Variants in EZH2 observed in about 807,000 individuals in gnomAD.
EZH2 encodes enhancer of zeste 2 polycomb repressive complex 2 subunit.
In EZH2, 18 loss-of-function variants were observed where a neutral mutation model predicts 98.4. The observed-to-expected ratio is 0.18, with a 90% confidence interval of 0.13 to 0.27. The LOEUF is 0.27. Among genes scored for constraint, EZH2 ranks in the 10% least tolerant of loss-of-function variants. The pLI, the probability that EZH2 is intolerant of heterozygous loss-of-function variation, is 1.00. For missense variants in EZH2, 470 were observed against 935.1 expected, an observed-to-expected ratio of 0.50 and a Z score of 6.49; for synonymous variants, 338 against 312.3, an observed-to-expected ratio of 1.08 and a Z score of -0.87.
At chr7:148,860,604 A>G (rs1299520280) in intron 1 of EZH2, among the ~76,000 whole-genome samples, 2 of 152,244 alleles carry the variant, frequency 1.3e-5, no homozygotes, top group Non-Finnish European at 2.9e-5. Flanking sequence ...TTTAGTTTAT[A>G]TGTGTTATAG....
At chr7:148,883,236 A>G (rs1332086661) in intron 1 of EZH2, 1 of 152,218 alleles carries the variant, frequency 6.6e-6, no homozygotes, top group Non-Finnish European at 1.5e-5. Flanking sequence ...GTGCTTCTCG[A>G]TTCCTCCCGC....
intron 3 of EZH2, among the ~76,000 whole-genome samples, chr7:148,843,592 T>G (rs1056352300): frequency 9.4e-6 from 1 of 105,878 alleles, no homozygotes; most frequent in Non-Finnish European, 1.9e-5. Flanking sequence ...AGTTTTTTTT[T>G]TTTTTTTTTT....
At chr7:148,815,157 C>G (rs1211795326) in intron 13 of EZH2, 118 bp from the exon 14 acceptor site, 2 of 1,263,228 alleles carry the variant, frequency 1.6e-6, no homozygotes, top group African/African-American at 3.0e-5. Context: ...CCTGCCTTTA[C>G]TGAATGCATA....
chr7:148,874,006 A>G (rs879628998), intron 1 of EZH2, among the ~76,000 whole-genome samples: 4 of 152,210 alleles, frequency 2.6e-5, no homozygotes, highest in Non-Finnish European at 5.9e-5. Flanking sequence ...TATTCCAGAA[A>G]GAGGACAGGC....
At chr7:148,870,349 C>T (rs147175255) in intron 1 of EZH2, among the ~76,000 whole-genome samples, 1 of 152,052 alleles carries the variant, frequency 6.6e-6, no homozygotes, top group African/African-American at 2.4e-5. Flanking sequence ...CGTTTTAGAT[C>T]AGAATTTTAT....
At chr7:148,874,187 GACCA>G (rs1192131941) in intron 1 of EZH2, among the ~76,000 whole-genome samples, 1 of 152,170 alleles carries the variant, frequency 6.6e-6, no homozygotes, top group African/African-American at 2.4e-5. Context: ...GGAATCTTGA[GACCA>G]ACCTGGGCAA....
At chr7:148,833,465 A>AT (rs1563257578) in intron 3 of EZH2, among the ~76,000 whole-genome samples, 223 of 21,484 alleles carry the variant, frequency 0.01, 2 homozygotes, top group African/African-American at 0.042. Flanking sequence ...TCAAAAAAAA[A>AT]AAAAATAAAA....
At chr7:148,825,646 C>G (rs777348716) in intron 8 of EZH2, among the ~76,000 whole-genome samples, 3 of 152,090 alleles carry the variant, frequency 2.0e-5, no homozygotes, top group Non-Finnish European at 2.9e-5. Context: ...CTCAAAACAA[C>G]AAAGCAATGT....
intron 6 of EZH2, among the ~76,000 whole-genome samples, chr7:148,827,712 C>A (rs1018178121): frequency 1.6e-4 from 24 of 152,196 alleles, no homozygotes; most frequent in Non-Finnish European, 1.0e-4. Flanking sequence ...TCTATGCTGC[C>A]TTAGCATGAG....
chr7:148,810,230 C>A, intron 17 of EZH2, 103 bp downstream of exon 17: 1 of 762,206 alleles, frequency 1.3e-6, no homozygotes, highest in Non-Finnish European at 2.3e-6. Context: ...GATCCTCCTT[C>A]TGGTCACCTC....
chr7:148,808,489 T>A (rs1317735727), intron 19 of EZH2, among the ~76,000 whole-genome samples: 1 of 152,240 alleles, frequency 6.6e-6, no homozygotes, highest in Non-Finnish European at 1.5e-5. Flanking sequence ...CTTAAATGTA[T>A]CCCACAGAGC....
intron 9 of EZH2, 125 bp downstream of exon 9, chr7:148,819,471 G>A: frequency 1.4e-6 from 1 of 701,504 alleles, no homozygotes; most frequent in Non-Finnish European, 2.5e-6. Context: ...GGGTGAGAAA[G>A]CTCTGTCTAT....
At chr7:148,859,691 C>G (rs1310679528) in intron 1 of EZH2, among the ~76,000 whole-genome samples, 1 of 152,132 alleles carries the variant, frequency 6.6e-6, no homozygotes, top group Non-Finnish European at 1.5e-5. Context: ...ACAGAGATCC[C>G]ACCAACCAAC....
intron 3 of EZH2, among the ~76,000 whole-genome samples, chr7:148,839,058 A>AAGGAAGG (rs1264945394): frequency 8.0e-5 from 10 of 124,324 alleles, no homozygotes; most frequent in African/African-American, 3.1e-4. Flanking sequence ...TCAAATAAGG[A>AAGGAAGG]AGGAAGGAAG....
In EZH2 at chr7:148,851,809, T is replaced by C. The variant is rs544909164; in HGVS notation, c.-7-4504A>G. Among the ~76,000 whole-genome samples, 8 of 152,282 alleles carry C rather than the reference T, an allele frequency of 5.3e-5. No homozygotes were observed. The East Asian group carries it at 1.5e-3, about 29-fold the overall frequency. On this transcript the variant is annotated intron_variant, in intron 1 of 19. Coordinates refer to ENST00000320356, the MANE Select transcript of EZH2 (RefSeq NM_004456.5). ...TCTCTTGAGCCTGTGAGGTGGAGAC[T>C]GCAGTGAACTGTCTTCACACCACTG...
At chr7:148,823,935 C>G (rs370938810) in intron 8 of EZH2, among the ~76,000 whole-genome samples, 15 of 152,206 alleles carry the variant, frequency 9.9e-5, no homozygotes, top group African/African-American at 3.4e-4. Context: ...ATTAATTCAT[C>G]TAATCCTCAC....
intron 1 of EZH2, among the ~76,000 whole-genome samples, chr7:148,850,966 A>G (rs2129486360): frequency 6.6e-6 from 1 of 152,298 alleles, no homozygotes; most frequent in Admixed American, 6.5e-5. Flanking sequence ...TCTCTCTCAA[A>G]ATATCGTAAC....
chr7:148,839,053 T>TAAGG (rs60020948), intron 3 of EZH2, among the ~76,000 whole-genome samples: 18,779 of 107,574 alleles, frequency 0.17, 1,924 homozygotes, highest in Middle Eastern at 0.2. Flanking sequence ...CTCTGTCAAA[T>TAAGG]AAGGAAGGAA....
chr7:148,847,006 A>T (rs1044849958), intron 2 of EZH2, among the ~76,000 whole-genome samples, 176 bp downstream of exon 2: 12 of 152,154 alleles, frequency 7.9e-5, no homozygotes, highest in Non-Finnish European at 1.5e-5. Context: ...AAGACTGATT[A>T]ATGTGCATGG....
Sources: gnomAD v4.1 joint callset for allele counts (sites outside exome capture counted in the v4.1 genomes callset) on GRCh38, gnomAD v4.1.1 for gene constraint, MANE v1.5 for transcripts, NCBI Gene and HGNC (gene_info 2026-07-23, HGNC 2026-07-21) for gene names.